The following ZNF626 variants were observed in gnomAD, a reference collection of about 807,000 sequenced individuals.
ZNF626 encodes the protein CTC-513N18.7.
ZNF626 carries 4 observed loss-of-function variants against 11.7 expected under a neutral mutation model. The ratio of observed to expected loss-of-function variants is 0.34; its 90% CI spans 0.17 to 0.78. The LOEUF (loss-of-function observed/expected upper bound fraction) is 0.78, where lower values mean the gene tolerates loss of function less well. ZNF626 is among the 30% of genes least tolerant of loss of function. The pLI is 0.57. For synonymous variants in ZNF626, 179 were observed against 198.6 expected, an observed-to-expected ratio of 0.90 and a Z score of 0.83; for missense variants, 588 against 587.1, an observed-to-expected ratio of 1.00 and a Z score of -0.01.
At chr19:20,636,818 C>T (rs1555770935) in intron 3 of ZNF626, among the ~76,000 whole-genome samples, 1 of 151,974 alleles carries the variant, frequency 6.6e-6, no homozygotes, top group African/African-American at 2.4e-5. Context: ...GTCAGGAGTC[C>T]AAGACCAGCC....
Position 20,620,019 on chromosome 19 carries a change from T to C in ZNF626, c.*4271A>G, listed in dbSNP as rs1969739606. 6.6e-6 allele frequency: 1 copy of C among 152,222 alleles called. No individual in the cohort carries two copies. Among genetic ancestry groups the C allele is most frequent in the Admixed American group, 6.5e-5 (1 of 15,282 alleles). 9.4% of individuals were successfully genotyped at this position (152,222 alleles called of 1,614,324 possible). A position where few individuals can be genotyped will look rare whatever the true frequency, so the allele number is the denominator to read the frequency against. On this transcript the variant is annotated 3_prime_UTR_variant, in exon 4 of 4. Transcript: ENST00000601440. ...TGGCTTAAATTATTATTCCTTTATG[T>C]GTCATTTTATACATTCACACACACA... is the stretch of plus-strand genomic sequence containing the variant.
intron 3 of ZNF626, among the ~76,000 whole-genome samples, chr19:20,629,682 A>G (rs1190872819): frequency 2.0e-5 from 3 of 152,190 alleles, no homozygotes; most frequent in African/African-American, 4.8e-5. Flanking sequence ...TTTTGGGCTG[A>G]GACAATGGGG....
At chr19:20,634,926 CAG>C (rs1160236941) in intron 3 of ZNF626, among the ~76,000 whole-genome samples, 2 of 152,098 alleles carry the variant, frequency 1.3e-5, no homozygotes, top group African/African-American at 4.8e-5. Context: ...AACAATAAAA[CAG>C]AATGCAGCAC....
intron 3 of ZNF626, among the ~76,000 whole-genome samples, chr19:20,632,730 C>T (rs538286624): frequency 6.2e-4 from 95 of 152,118 alleles, no homozygotes; most frequent in African/African-American, 2.1e-3. Context: ...GCCATTAGTT[C>T]GAATTTCCTC....
intron 1 of ZNF626, among the ~76,000 whole-genome samples, chr19:20,655,054 G>A (rs895141739): frequency 1.3e-5 from 2 of 151,810 alleles, no homozygotes; most frequent in Non-Finnish European, 2.9e-5. Flanking sequence ...AGCAGTTGTA[G>A]GGAGCAGAGA....
chr19:20,650,115 C>T (rs778655033), intron 1 of ZNF626, among the ~76,000 whole-genome samples: 2 of 151,970 alleles, frequency 1.3e-5, no homozygotes, highest in Admixed American at 6.6e-5. Flanking sequence ...CTGTGCTGGG[C>T]GTAACATATT....
rs1555768859 is a variant in ZNF626 at position 20,622,554 on chromosome 19, A to C, written c.*1736T>G. On this transcript the variant is annotated 3_prime_UTR_variant, in exon 4 of 4. Coordinates refer to ENST00000601440, the MANE Select transcript of ZNF626 (RefSeq NM_001076675.3). Reference sequence around the variant, plus strand: ...CACATACTTTCACGTGAATATAATAAAGTAACAGCATAATTTGAAAGCTGT... The same window carrying C: ...CACATACTTTCACGTGAATATAATACAGTAACAGCATAATTTGAAAGCTGT... 1 of 147,952 alleles carries C rather than the reference A, an allele frequency of 6.8e-6. No individual in the cohort carries two copies. Among genetic ancestry groups the C allele is most frequent in the Admixed American group, 7.0e-5 (1 of 14,270 alleles). The allele number at this position is 147,952 out of a possible 1,614,324, so 9.2% of individuals were successfully genotyped here.
At position 20,637,484 on chromosome 19, in the gene ZNF626, C is replaced by CA. The variant is rs35325493; in HGVS notation, c.226+8199dup. Among the ~76,000 whole-genome samples the CA allele has an allele frequency of 9.0e-3, 1,090 of 121,766 alleles. 17 individuals carry two copies. Among genetic ancestry groups the CA allele is most frequent in the Middle Eastern group, 0.063 (14 of 222 alleles). 79.9% of individuals were successfully genotyped at this position (121,766 alleles called of 152,430 possible). ...TGGACAACAGAGTGACACTCTGTCTCAAAAAAAAAAAAAAAATTCTGCCTA... is the reference window on the plus strand; with the variant it reads ...TGGACAACAGAGTGACACTCTGTCTCAAAAAAAAAAAAAAAAATTCTGCCTA... On this transcript the variant is annotated intron_variant, in intron 3 of 3. Transcript: ENST00000601440.
At chr19:20,638,419 G>C (rs1969988555) in intron 3 of ZNF626, among the ~76,000 whole-genome samples, 1 of 59,122 alleles carries the variant, frequency 1.7e-5, no homozygotes, top group Non-Finnish European at 3.0e-5. Context: ...GAGCAAAACT[G>C]CATGTCTAAA....
Position 20,625,615 on chromosome 19 carries a change from C to G in ZNF626, c.262G>C (p.Glu88Gln), listed in dbSNP as rs1156259606. ...TGGAAAGAATCTTTCATGCTCTGCT[C>G]TGGCCAAAGGTCTTGGGCAAAATGA... The part of the protein sequence containing the change: ...CSHFAQDLWP[E>Q]QSMKDSFQKV... Residue 88 changes from glutamate to glutamine, a missense_variant, in exon 4 of 4, where the codon GAG (glutamate) becomes CAG (glutamine). By Grantham distance (29) the Glu-to-Gln change is conservative. This residue lies in a region of ZNF626 where 524 missense variants were observed against 470.1 expected (regional missense o/e 1.11). Transcript: ENST00000601440. 2 of 1,575,272 alleles carry G rather than the reference C, an allele frequency of 1.3e-6. No individual in the cohort carries two copies. The highest frequency in any genetic ancestry group is 8.6e-7 in the Non-Finnish European group (1 of 1,163,236).
chr19:20,625,348 CTA>C lies in ZNF626; in HGVS notation c.527_528del (p.Ile176ArgfsTer7). 2 of 1,613,972 alleles carry C rather than the reference CTA, an allele frequency of 1.2e-6. No individual in the cohort carries two copies. Among genetic ancestry groups the C allele is most frequent in the East Asian group, 4.5e-5 (2 of 44,868 alleles). On this transcript the variant is annotated frameshift_variant, in exon 4 of 4. Transcript: ENST00000601440. LOFTEE classifies it low-confidence loss of function (END_TRUNC). Reference sequence around the variant, plus strand: ...AACTGCTTAAAAGCTTTGCCACATTCTATATATTTGAAAGGTTTTTTCCCAGT... The same window carrying C: ...AACTGCTTAAAAGCTTTGCCACATTCTATATTTGAAAGGTTTTTTCCCAGT... ...GHTGKKPFKY[I>X]ECGKAFKQFS...
At chr19:20,641,498 A>G (rs1970024176) in intron 3 of ZNF626, among the ~76,000 whole-genome samples, 1 of 152,170 alleles carries the variant, frequency 6.6e-6, no homozygotes. Flanking sequence ...AGCAGTTGTT[A>G]TTTCATGGGT....
intron 3 of ZNF626, 111 bp downstream of exon 3, chr19:20,645,573 A>AT (rs1555771820): frequency 1.3e-6 from 2 of 1,555,460 alleles, no homozygotes; most frequent in Admixed American, 2.2e-5. Context: ...CCCAAGAACT[A>AT]TTTCCTTTGG....
intron 1 of ZNF626, among the ~76,000 whole-genome samples, chr19:20,648,032 A>G (rs1970102268): frequency 6.6e-6 from 1 of 151,788 alleles, no homozygotes; most frequent in South Asian, 2.1e-4. Context: ...TACAAAAATT[A>G]GCCGGGTGTT....
At chr19:20,631,066 C>G (rs1292253655) in intron 3 of ZNF626, among the ~76,000 whole-genome samples, 4 of 152,100 alleles carry the variant, frequency 2.6e-5, no homozygotes, top group Non-Finnish European at 5.9e-5. Context: ...TGTTCAGTTT[C>G]CATGTAGTTG....
chr19:20,633,903 A>G (rs2144772771), intron 3 of ZNF626, among the ~76,000 whole-genome samples: 1 of 152,220 alleles, frequency 6.6e-6, no homozygotes, highest in East Asian at 1.9e-4. Context: ...GCTGTTGACC[A>G]GAGCTGTTCC....
At chr19:20,645,308 A>G (rs1970063633) in intron 3 of ZNF626, 1 of 1,545,570 alleles carries the variant, frequency 6.5e-7, no homozygotes. Flanking sequence ...TGCAAAGAGA[A>G]CTTTGAGAGT....
intron 1 of ZNF626, among the ~76,000 whole-genome samples, chr19:20,659,173 C>T (rs797042827): frequency 6.6e-6 from 1 of 152,306 alleles, no homozygotes; most frequent in African/African-American, 2.4e-5. Flanking sequence ...CACAGCCAGA[C>T]ACACACTCTG....
At chr19:20,645,852 C>T in intron 2 of ZNF626, 73 bp from the exon 3 acceptor site, 1 of 1,086,860 alleles carries the variant, frequency 9.2e-7, no homozygotes, top group South Asian at 2.1e-5. Flanking sequence ...GTGCTCAGCA[C>T]AGAGGATGTG....
Sources: allele counts gnomAD v4.1 joint callset (sites outside exome capture counted in the v4.1 genomes callset), GRCh38; gene constraint gnomAD v4.1.1; regional missense constraint gnomAD v4.1.1; transcripts MANE v1.5; gene names NCBI Gene and HGNC (gene_info 2026-07-23, HGNC 2026-07-21).